EPN2: variants seen among roughly 807,000 people sequenced by gnomAD.
The protein encoded by EPN2 is epsin 2, also known as epsin-2.
Under a neutral mutation model 61.7 loss-of-function variants are expected in EPN2, and 34 were observed. The observed-to-expected ratio is 0.55, with a 90% CI of 0.42 to 0.73. The LOEUF (loss-of-function observed/expected upper bound fraction) is 0.73. EPN2 is among the 30% of genes least tolerant of loss of function. The probability of loss-of-function intolerance (pLI) is 0.00; values close to 1 mark genes in which losing one functional copy is unlikely to be tolerated. For missense variants in EPN2, 714 were observed against 839.2 expected (o/e 0.85, Z 1.84); for synonymous variants, 349 against 353.6 (o/e 0.99, Z 0.15).
chr17:19,264,724 A>G (rs1458474949), intron 1 of EPN2, among the ~76,000 whole-genome samples: 2 of 152,018 alleles, frequency 1.3e-5, no homozygotes, highest in African/African-American at 2.4e-5. Flanking sequence ...GGGAGAGAGA[A>G]AGGGGGGAGT....
intron 5 of EPN2, among the ~76,000 whole-genome samples, chr17:19,311,229 G>A (rs1906119660): frequency 6.6e-6 from 1 of 152,200 alleles, no homozygotes; most frequent in South Asian, 2.1e-4. Flanking sequence ...ACCAGTAACT[G>A]CCCAGGTGGA....
At chr17:19,312,024 A>C in intron 5 of EPN2, 28 bp from the exon 6 acceptor site, 3 of 1,466,944 alleles carry the variant, frequency 2.0e-6, no homozygotes, top group Non-Finnish European at 2.9e-6. Flanking sequence ...TGTTATTACA[A>C]TTACCAGTTT....
chr17:19,250,310 G>A (rs995457579), intron 1 of EPN2, among the ~76,000 whole-genome samples: 3 of 152,028 alleles, frequency 2.0e-5, no homozygotes, highest in Non-Finnish European at 2.9e-5. Context: ...TGGCCAGGCT[G>A]GTGTCGAACC....
chr17:19,269,650 C>T (rs1459350818), intron 1 of EPN2, among the ~76,000 whole-genome samples: 3 of 152,204 alleles, frequency 2.0e-5, no homozygotes, highest in East Asian at 1.9e-4. Flanking sequence ...CTTTGAATAG[C>T]GTTAAAGCCT....
intron 9 of EPN2, among the ~76,000 whole-genome samples, chr17:19,331,554 C>G (rs1426718321): frequency 6.6e-6 from 1 of 150,984 alleles, no homozygotes; most frequent in Admixed American, 6.6e-5. Flanking sequence ...TGCCTAGCTT[C>G]CAACCCAAAA....
chr17:19,251,998 G>T (rs987968459), intron 1 of EPN2, among the ~76,000 whole-genome samples: 3 of 152,108 alleles, frequency 2.0e-5, no homozygotes, highest in African/African-American at 7.2e-5. Context: ...ACAAAACAAA[G>T]ATTTGACTGC....
intron 1 of EPN2, among the ~76,000 whole-genome samples, chr17:19,281,491 T>A (rs1013742559): frequency 6.6e-6 from 1 of 152,210 alleles, no homozygotes; most frequent in African/African-American, 2.4e-5. Flanking sequence ...TTCTGCCACC[T>A]TTTGTTTACT....
intron 7 of EPN2, among the ~76,000 whole-genome samples, chr17:19,322,087 A>T (rs1906661940): frequency 6.6e-6 from 1 of 152,174 alleles, no homozygotes; most frequent in Non-Finnish European, 1.5e-5. Context: ...GGGCAGCTTC[A>T]GTCCTGGGGG....
chr17:19,252,235 T>A (rs2045023513), intron 1 of EPN2, among the ~76,000 whole-genome samples: 1 of 152,182 alleles, frequency 6.6e-6, no homozygotes, highest in South Asian at 2.1e-4. Context: ...TTGTGTGCCT[T>A]CTGTGAAGGG....
At chr17:19,325,717 T>A (rs955934915) in intron 7 of EPN2, among the ~76,000 whole-genome samples, 9 of 152,156 alleles carry the variant, frequency 5.9e-5, no homozygotes, top group Admixed American at 3.3e-4. Flanking sequence ...ATGTAACTGG[T>A]GATCCTAGCC....
At chr17:19,280,814 C>A (rs981041802) in intron 1 of EPN2, among the ~76,000 whole-genome samples, 2 of 152,138 alleles carry the variant, frequency 1.3e-5, no homozygotes, top group Non-Finnish European at 1.5e-5. Context: ...AGCTTCAGAT[C>A]CCATATGTTG....
chr17:19,279,301 G>A (rs2152215728), intron 1 of EPN2, among the ~76,000 whole-genome samples: 1 of 152,298 alleles, frequency 6.6e-6, no homozygotes, highest in East Asian at 1.9e-4. Context: ...CTCATTGGGA[G>A]CCCTGGCTGG....
intron 1 of EPN2, among the ~76,000 whole-genome samples, chr17:19,251,873 G>C (rs1193842762): frequency 6.6e-6 from 1 of 152,082 alleles, no homozygotes; most frequent in Non-Finnish European, 1.5e-5. Context: ...TATGCATAAT[G>C]AGATATCTTG....
At chr17:19,319,909 G>T (rs999076204) in intron 7 of EPN2, among the ~76,000 whole-genome samples, 1 of 152,242 alleles carries the variant, frequency 6.6e-6, no homozygotes. Flanking sequence ...CTCCCCAAGT[G>T]TTGGGATTAC....
rs564174357 is a variant in EPN2 at position 19,246,416 on chromosome 17, C to G, written c.-294+8885C>G. On this transcript the variant is annotated intron_variant, in intron 1 of 10. Transcript: ENST00000314728. ...GTCCTTCCCCAGTAGGCAATTAACA[C>G]CTGGGTTCTAGCCAATGGGTAATTT... is the stretch of plus-strand genomic sequence containing the variant. 7.2e-5 allele frequency among the ~76,000 whole-genome samples: 11 copies of G among 152,170 alleles called. No homozygotes were observed. In the South Asian group the frequency reaches 2.3e-3, roughly 32 times the overall value.
chr17:19,277,436 G>A (rs2045318841), intron 1 of EPN2, among the ~76,000 whole-genome samples: 1 of 151,186 alleles, frequency 6.6e-6, no homozygotes, highest in African/African-American at 2.4e-5. Flanking sequence ...GAAATAACAG[G>A]ATTTGCCGTG....
At chr17:19,274,704 C>G (rs1004424058) in intron 1 of EPN2, among the ~76,000 whole-genome samples, 9 of 152,244 alleles carry the variant, frequency 5.9e-5, no homozygotes, top group African/African-American at 2.2e-4. Flanking sequence ...TGTGCCTTCA[C>G]CACAGGCCCA....
At chr17:19,310,423 T>G (rs570796029) in intron 5 of EPN2, among the ~76,000 whole-genome samples, 140 of 152,112 alleles carry the variant, frequency 9.2e-4, no homozygotes, top group Non-Finnish European at 1.7e-3. Context: ...TAGCAAGAGA[T>G]TTGCAAAAAA....
At chr17:19,316,035 G>C (rs1428186696) in intron 7 of EPN2, among the ~76,000 whole-genome samples, 1 of 152,160 alleles carries the variant, frequency 6.6e-6, no homozygotes, top group Non-Finnish European at 1.5e-5. Context: ...ATGTTTTCAA[G>C]GTTCATCAAT....
Sources: allele counts gnomAD v4.1 joint callset (sites outside exome capture counted in the v4.1 genomes callset), GRCh38; gene constraint gnomAD v4.1.1; transcripts MANE v1.5; gene names NCBI Gene and HGNC (gene_info 2026-07-23, HGNC 2026-07-21).